Variants in SLC14A2 observed in about 807,000 individuals in gnomAD.
SLC14A2 encodes the protein solute carrier family 14 member 2.
Under a neutral mutation model 104.6 loss-of-function variants are expected in SLC14A2, and 91 were observed. The observed-to-expected ratio is 0.87, with a 90% CI of 0.73 to 1.04. The LOEUF (loss-of-function observed/expected upper bound fraction) is 1.04, where lower values mean the gene tolerates loss of function less well. SLC14A2 is among the 50% of genes least tolerant of loss of function. The probability of loss-of-function intolerance (pLI) is 0.00; values close to 1 mark genes in which losing one functional copy is unlikely to be tolerated. For synonymous variants in SLC14A2, 476 were observed against 466.4 expected (o/e 1.02, Z -0.27); for missense variants, 1,189 against 1,156.0 (o/e 1.03, Z -0.41).
intron 12 of SLC14A2, 24 bp from the exon 13 acceptor site, chr18:45,666,911 C>A: frequency 2.5e-6 from 4 of 1,608,844 alleles, no homozygotes; most frequent in Non-Finnish European, 3.4e-6. Context: ...GTGGGAGACT[C>A]TTGCCTATCT....
the SLC14A2 span, among the ~76,000 whole-genome samples, chr18:45,196,806 G>A: frequency 0.013 from 2,017 of 152,318 alleles, 38 homozygotes; most frequent in African/African-American, 0.045. Context: ...GGAGCTAGGG[G>A]CTGTTCTCAA....
the SLC14A2 span, among the ~76,000 whole-genome samples, chr18:45,170,718 T>G: frequency 6.6e-6 from 1 of 152,182 alleles, no homozygotes; most frequent in Non-Finnish European, 1.5e-5. Context: ...CTGGAACCAG[T>G]GTTAACTTTC....
chr18:45,358,727 C>T (rs1250150010), intron 1 of SLC14A2, among the ~76,000 whole-genome samples: 1 of 152,168 alleles, frequency 6.6e-6, no homozygotes. Context: ...CAGTCATACA[C>T]TACTGCACCC....
chr18:45,419,633 G>T (rs1292882726), intron 1 of SLC14A2, among the ~76,000 whole-genome samples: 1 of 152,160 alleles, frequency 6.6e-6, no homozygotes, highest in Non-Finnish European at 1.5e-5. Flanking sequence ...AATTAGTCAG[G>T]TGTGGTGGCG....
intron 13 of SLC14A2, among the ~76,000 whole-genome samples, chr18:45,667,564 G>T (rs1012308631): frequency 6.6e-6 from 1 of 152,064 alleles, no homozygotes; most frequent in African/African-American, 2.4e-5. Context: ...CCACCACAGG[G>T]GTCAGAGGCA....
At chr18:45,363,451 C>T (rs760252813) in intron 1 of SLC14A2, among the ~76,000 whole-genome samples, 3 of 152,066 alleles carry the variant, frequency 2.0e-5, no homozygotes, top group Admixed American at 1.3e-4. Context: ...AGCCTGGCCC[C>T]GAGAAACTTG....
chr18:45,216,472 G>T (rs534527394), intron 1 of SLC14A2, among the ~76,000 whole-genome samples: 25 of 152,272 alleles, frequency 1.6e-4, no homozygotes, highest in Admixed American at 5.9e-4. Flanking sequence ...TTTTCTGGGG[G>T]TGTTATGTTG....
chr18:45,665,948 G>C (rs1445732203), intron 11 of SLC14A2, among the ~76,000 whole-genome samples, 189 bp from the exon 12 acceptor site: 1 of 152,116 alleles, frequency 6.6e-6, no homozygotes, highest in Non-Finnish European at 1.5e-5. Flanking sequence ...CGAGGGCCCA[G>C]ATGGATCCAT....
intron 10 of SLC14A2, among the ~76,000 whole-genome samples, chr18:45,650,741 GTT>G (rs1320397551): frequency 9.6e-6 from 1 of 103,684 alleles, no homozygotes; most frequent in Non-Finnish European, 2.0e-5. Flanking sequence ...TTTTTGTCTT[GTT>G]TTGTTTTGTT....
intron 2 of SLC14A2, among the ~76,000 whole-genome samples, chr18:45,587,436 T>C (rs565405709): frequency 4.9e-4 from 74 of 152,228 alleles, no homozygotes; most frequent in African/African-American, 1.7e-3. Context: ...TTAAAAAATA[T>C]CTTATTTGGC....
intron 10 of SLC14A2, among the ~76,000 whole-genome samples, chr18:45,653,317 C>CCTCTTCAA (rs1313739560): frequency 6.6e-6 from 1 of 152,066 alleles, no homozygotes; most frequent in Non-Finnish European, 1.5e-5. Flanking sequence ...GATTAGGACC[C>CCTCTTCAA]CTCTTCAACA....
chr18:45,333,424 T>A (rs1366094141), intron 1 of SLC14A2, among the ~76,000 whole-genome samples: 2 of 152,136 alleles, frequency 1.3e-5, no homozygotes, highest in African/African-American at 4.8e-5. Flanking sequence ...CTAACAGAAA[T>A]TTTTAAGGGT....
intron 1 of SLC14A2, among the ~76,000 whole-genome samples, chr18:45,242,210 T>A (rs887651920): frequency 1.3e-5 from 2 of 152,150 alleles, no homozygotes; most frequent in African/African-American, 4.8e-5. Context: ...CCGTTTGTAA[T>A]TTCCTCACAC....
At chr18:45,340,323 T>C (rs2085380976) in intron 1 of SLC14A2, among the ~76,000 whole-genome samples, 1 of 152,238 alleles carries the variant, frequency 6.6e-6, no homozygotes, top group Admixed American at 6.5e-5. Flanking sequence ...TGTGTGCTGA[T>C]GGAGGGCTTT....
At position 45,658,785 on chromosome 18, in the gene SLC14A2, CT is replaced by C. The variant is rs111406360; in HGVS notation, c.1352-4990del. On this transcript the variant is annotated intron_variant, in intron 10 of 19. Transcript: ENST00000255226. ...TCACCAGTGGGCACTTCTATGAAAT[CT>C]TTTTTTTTTAACCTCTGATATTTGA... is the stretch of plus-strand genomic sequence containing the variant. Among the ~76,000 whole-genome samples the C allele has an allele frequency of 3.8e-3, 561 of 148,968 alleles. 3 individuals carry two copies. Among genetic ancestry groups the C allele is most frequent in the African/African-American group, 0.013 (528 of 40,680 alleles).
At chr18:45,550,853 A>G (rs1243032909) in intron 2 of SLC14A2, among the ~76,000 whole-genome samples, 1 of 152,196 alleles carries the variant, frequency 6.6e-6, no homozygotes, top group African/African-American at 2.4e-5. Flanking sequence ...CAGTTGTCAC[A>G]GAGCTGAGAG....
chr18:45,630,405 C>T (rs1196135855), intron 4 of SLC14A2, among the ~76,000 whole-genome samples: 1 of 152,182 alleles, frequency 6.6e-6, no homozygotes, highest in African/African-American at 2.4e-5. Flanking sequence ...CCCCAATTCC[C>T]TACTAGCCTA....
chr18:45,512,989 A>G (rs930473599), intron 2 of SLC14A2, among the ~76,000 whole-genome samples: 2 of 152,270 alleles, frequency 1.3e-5, no homozygotes, highest in African/African-American at 4.8e-5. Context: ...GTCTCTGTTG[A>G]CCAAGCTTCT....
upstream of SLC14A2, chr18:45,615,404 C>T (rs1246199417): frequency 6.6e-6 from 1 of 152,128 alleles, no homozygotes; most frequent in East Asian, 1.9e-4. Context: ...TTCCCCCATG[C>T]TGTTCTCGTG....
Sources: gnomAD v4.1 joint callset for allele counts (sites outside exome capture counted in the v4.1 genomes callset) on GRCh38, gnomAD v4.1.1 for gene constraint, MANE v1.5 for transcripts, NCBI Gene and HGNC (gene_info 2026-07-23, HGNC 2026-07-21) for gene names.